The following CWC22 variants were observed in gnomAD, a reference collection of about 807,000 sequenced individuals.
CWC22 encodes pre-mRNA-splicing factor CWC22 homolog.
Under a neutral mutation model 117.2 loss-of-function variants are expected in CWC22, and 53 were observed. The observed-to-expected ratio is 0.45, with a 90% CI of 0.36 to 0.57. The LOEUF is 0.57. CWC22 is among the 20% of genes least tolerant of loss of function. CWC22 has a pLI of 0.00. For missense variants in CWC22, 980 were observed against 1,068.8 expected (o/e 0.92, Z 1.16); for synonymous variants, 360 against 355.6 (o/e 1.01, Z -0.14).
At chr2:179,993,279 A>C in intron 2 of CWC22, 36 bp downstream of exon 2, 5 of 1,447,498 alleles carry the variant, frequency 3.5e-6, no homozygotes, top group Non-Finnish European at 4.8e-6. Flanking sequence ...ATTGACTATA[A>C]GTTTACATCC....
At chr2:179,965,013 A>G (rs892177707) in intron 12 of CWC22, among the ~76,000 whole-genome samples, 20 of 152,324 alleles carry the variant, frequency 1.3e-4, no homozygotes, top group African/African-American at 4.8e-4. Flanking sequence ...TGCAGAGAAC[A>G]CTAGATCATC....
Position 179,970,454 on chromosome 2 carries a change from T to C in CWC22, c.1210+47A>G, listed in dbSNP as rs1179527567. On this transcript the variant is annotated intron_variant, in intron 11 of 19. Coordinates refer to ENST00000410053, the MANE Select transcript of CWC22 (RefSeq NM_020943.3). Reference sequence around the variant, plus strand: ...TATCAGTATTACGTAACTACTTAAATTGCTTCTACTTATCCAAACTAAATT... The same window carrying C: ...TATCAGTATTACGTAACTACTTAAACTGCTTCTACTTATCCAAACTAAATT... The C allele has an allele frequency of 1.9e-5, 27 of 1,427,110 alleles. No individual in the cohort carries two copies. In the East Asian group the frequency reaches 5.2e-4, roughly 28 times the overall value. The allele number at this position is 1,427,110 out of a possible 1,614,324, so 88.4% of individuals were successfully genotyped here.
chr2:179,948,697 G>T, intron 19 of CWC22, among the ~76,000 whole-genome samples: 1 of 152,076 alleles, frequency 6.6e-6, no homozygotes, highest in South Asian at 2.1e-4. Context: ...CATACTGAGG[G>T]ACAGGTTACA....
intron 1 of CWC22, among the ~76,000 whole-genome samples, chr2:180,004,397 CT>C (rs759321020): frequency 2.0e-5 from 3 of 151,224 alleles, no homozygotes; most frequent in Non-Finnish European, 4.4e-5. Flanking sequence ...TCTTCTTCTT[CT>C]TTTTTTTTCT....
At chr2:179,953,284 T>C (rs1005804275) in intron 16 of CWC22, among the ~76,000 whole-genome samples, 18 of 152,102 alleles carry the variant, frequency 1.2e-4, no homozygotes, top group African/African-American at 3.9e-4. Flanking sequence ...CTTAAAGTAC[T>C]ATAAAAATCT....
intron 8 of CWC22, 113 bp from the exon 9 acceptor site, chr2:179,971,189 T>C: frequency 4.3e-6 from 3 of 701,756 alleles, no homozygotes; most frequent in Non-Finnish European, 6.4e-6. Flanking sequence ...ATTGCACATA[T>C]GATGGGCAAA....
chr2:179,945,866 G>A (rs992121344), intron 19 of CWC22, among the ~76,000 whole-genome samples, 151 bp from the exon 20 acceptor site: 1 of 152,148 alleles, frequency 6.6e-6, no homozygotes, highest in Non-Finnish European at 1.5e-5. Context: ...TGATGACACA[G>A]AGTCTTACCA....
intron 1 of CWC22, among the ~76,000 whole-genome samples, chr2:179,998,998 C>T (rs1466943763): frequency 2.0e-5 from 3 of 152,146 alleles, no homozygotes; most frequent in South Asian, 2.1e-4. Flanking sequence ...TTCTTCTGAT[C>T]GATATCATCT....
rs567599729 is a variant in CWC22 at position 179,967,719 on chromosome 2, T to C, written c.1211-1737A>G. ...TAATCTGAGTGATGAAATATAAAGT[T>C]CATATATATAGCCCTTCTGTTAAAG... On this transcript the variant is annotated intron_variant, in intron 11 of 19. Transcript: ENST00000410053. 3.5e-5 allele frequency among the ~76,000 whole-genome samples: 5 copies of C among 143,546 alleles called. No individual in the cohort carries two copies. In the South Asian group the frequency reaches 9.6e-4, roughly 28 times the overall value. The allele number at this position is 143,546 out of a possible 152,430, so 94.2% of individuals were successfully genotyped here.
chr2:179,998,037 T>C (rs574451501), intron 1 of CWC22, among the ~76,000 whole-genome samples: 5 of 152,228 alleles, frequency 3.3e-5, no homozygotes, highest in Non-Finnish European at 7.4e-5. Context: ...AATCAGAAAA[T>C]GGGCAGAAAG....
In CWC22 at chr2:179,970,965, G is replaced by T; in HGVS notation, c.916C>A (p.Gln306Lys). 6.2e-7 allele frequency: 1 copy of T among 1,612,832 alleles called. No homozygotes were observed. Among genetic ancestry groups the T allele is most frequent in the Non-Finnish European group, 8.5e-7 (1 of 1,179,278 alleles). ...CCATTGATTCCTCTTGGTGACACTT[G>T]TGTTAATTTGAGGCCACATTCCTTA... Reference protein sequence around the residue: ...FLKECGLKLTQVSPRGINAIF... With the variant: ...FLKECGLKLTKVSPRGINAIF... Residue 306 changes from glutamine (Q) to lysine (K), a missense_variant, in exon 9 of 20, where the codon CAA (glutamine) becomes AAA (lysine). Coordinates refer to ENST00000410053, the MANE Select transcript of CWC22 (RefSeq NM_020943.3).
At chr2:179,970,077 T>TATG (rs1306164813) in intron 11 of CWC22, among the ~76,000 whole-genome samples, 1 of 152,184 alleles carries the variant, frequency 6.6e-6, no homozygotes, top group African/African-American at 2.4e-5. Flanking sequence ...GCACCAATAC[T>TATG]ATGATTCATC....
intron 5 of CWC22, among the ~76,000 whole-genome samples, chr2:179,978,598 T>C (rs1416211664): frequency 6.6e-6 from 1 of 152,100 alleles, no homozygotes; most frequent in Non-Finnish European, 1.5e-5. Flanking sequence ...TTATGCCTAG[T>C]ACATTTAATT....
chr2:179,977,872 T>G (rs1687190172), intron 6 of CWC22, among the ~76,000 whole-genome samples: 1 of 152,180 alleles, frequency 6.6e-6, no homozygotes, highest in Non-Finnish European at 1.5e-5. Flanking sequence ...AAAATTAAAT[T>G]AGTTTGAGGT....
chr2:179,969,063 G>A (rs976069727), intron 11 of CWC22, among the ~76,000 whole-genome samples: 3 of 152,126 alleles, frequency 2.0e-5, no homozygotes, highest in Non-Finnish European at 4.4e-5. Context: ...GGGATCCTGA[G>A]ACGAAAGAAT....
chr2:179,998,943 T>C lies in CWC22; in HGVS notation c.-113-5489A>G, dbSNP rs1303276569. Among the ~76,000 whole-genome samples, 5 of 152,312 alleles carry C rather than the reference T, an allele frequency of 3.3e-5. 1 individual carries two copies. In the Middle Eastern group the frequency reaches 0.01, roughly 311 times the overall value. On this transcript the variant is annotated intron_variant, in intron 1 of 19. Coordinates refer to ENST00000410053, the MANE Select transcript of CWC22 (RefSeq NM_020943.3). Reference sequence around the variant, plus strand: ...GCAATTTCTGTGCATTTTATTTCTATTTAAATTTACATATTTCAATTTACA... The same window carrying C: ...GCAATTTCTGTGCATTTTATTTCTACTTAAATTTACATATTTCAATTTACA...
At chr2:180,001,735 C>T (rs977997230) in intron 1 of CWC22, among the ~76,000 whole-genome samples, 5 of 152,176 alleles carry the variant, frequency 3.3e-5, no homozygotes, top group African/African-American at 1.2e-4. Flanking sequence ...TTTCTTGTTG[C>T]TAAATCCAGG....
At chr2:179,998,472 T>TTA (rs1306154728) in intron 1 of CWC22, among the ~76,000 whole-genome samples, 3 of 152,104 alleles carry the variant, frequency 2.0e-5, no homozygotes, top group African/African-American at 7.2e-5. Flanking sequence ...TCCACGTAAA[T>TTA]TACACCTAGT....
intron 14 of CWC22, among the ~76,000 whole-genome samples, chr2:179,955,591 C>G (rs1227089502): frequency 6.6e-6 from 1 of 151,834 alleles, no homozygotes; most frequent in African/African-American, 2.4e-5. Flanking sequence ...AATTTTCTCA[C>G]CTCAAAATAA....
Sources: gnomAD v4.1 joint callset for allele counts (sites outside exome capture counted in the v4.1 genomes callset) on GRCh38, gnomAD v4.1.1 for gene constraint, MANE v1.5 for transcripts, NCBI Gene and HGNC (gene_info 2026-07-23, HGNC 2026-07-21) for gene names.